KLHL40: variants seen among roughly 807,000 people sequenced by gnomAD.
The protein encoded by KLHL40 is kelch-like protein 40.
A neutral mutation model predicts 49.7 loss-of-function variants in KLHL40; 44 were observed. The ratio of observed to expected loss-of-function variants is 0.89; its 90% CI spans 0.70 to 1.14. The LOEUF (loss-of-function observed/expected upper bound fraction) is 1.14, where lower values mean the gene tolerates loss of function less well. Ranked by LOEUF, KLHL40 falls within the 50% of genes most tolerant of loss-of-function variation. KLHL40 has a pLI of 0.00. For synonymous variants in KLHL40, 409 were observed against 365.2 expected, an observed-to-expected ratio of 1.12 and a Z score of -1.37; for missense variants, 892 against 850.3, an observed-to-expected ratio of 1.05 and a Z score of -0.61.
At chr3:42,691,718 G>A (rs1002711823) in intron 5 of KLHL40, among the ~76,000 whole-genome samples, 164 bp from the exon 6 acceptor site, 1 of 151,908 alleles carries the variant, frequency 6.6e-6, no homozygotes, top group East Asian at 1.9e-4. Context: ...GTTCCTTGGG[G>A]TGGGTCTTGT....
intron 5 of KLHL40, among the ~76,000 whole-genome samples, chr3:42,691,232 A>T (rs1332512470): frequency 2.0e-5 from 3 of 152,146 alleles, no homozygotes; most frequent in Non-Finnish European, 4.4e-5. Context: ...CCCACTGTGG[A>T]GCAGCAACAG....
rs780835485 is a variant in KLHL40, at chr3:42,685,869, A to G, written c.251A>G (p.Gln84Arg). ...LEEVSPDVVA[Q>R]VLHYLYTSEI... The stretch of plus-strand genomic sequence containing the variant: ...GAGGTGTCCCCGGACGTGGTGGCCC[A>G]GGTGCTGCACTACCTGTACACATCA... Residue 84 changes from glutamine (Q) to arginine (R), a missense_variant, in exon 1 of 6, where the codon CAG (glutamine) becomes CGG (arginine). Transcript: ENST00000287777. The G allele has an allele frequency of 5.6e-6, 9 of 1,612,784 alleles. No homozygotes were observed. The highest frequency in any genetic ancestry group is 2.2e-5 in the East Asian group (1 of 44,880).
chr3:42,686,296 C>G lies in KLHL40; in HGVS notation c.678C>G (p.Cys226Trp), dbSNP rs1319914433. The change falls in exon 1 of 6, where the codon TGC becomes TGG. Residue 226 changes from cysteine (C) to tryptophan (W), a missense_variant. Physicochemically the swap from Cys to Trp is radical, Grantham distance 215. Coordinates refer to ENST00000287777, the MANE Select transcript of KLHL40 (RefSeq NM_152393.4). ...CCACCGTCTTCGAGAGCGTGCGCTG[C>G]CGCTTGCTGCCGCGCGCCTTTCTGG... is the stretch of plus-strand genomic sequence containing the variant. ...ALPTVFESVR[C>W]RLLPRAFLES... The G allele has an allele frequency of 6.3e-7, 1 of 1,587,568 alleles. No individual in the cohort carries two copies. The highest frequency in any genetic ancestry group is 1.3e-5 in the African/African-American group (1 of 74,242).
chr3:42,688,769 G>A lies in KLHL40; in HGVS notation c.1421+52G>A. ...TGGAGCAGAGGTAGAATCTCCCAGA[G>A]GCTGTCAGGGGTTTGTCCTGGCTGC... On this transcript the variant is annotated intron_variant, in intron 3 of 5. Coordinates refer to ENST00000287777, the MANE Select transcript of KLHL40 (RefSeq NM_152393.4). This position sits in a 1 kb window ranked among gnomAD's most constrained non-coding sequence, Gnocchi z 4.2. The A allele has an allele frequency of 6.3e-7, 1 of 1,584,618 alleles. No homozygotes were observed. The highest frequency in any genetic ancestry group is 8.7e-7 in the Non-Finnish European group (1 of 1,153,348).
At position 42,686,051 on chromosome 3, in the gene KLHL40, T is replaced by G. The variant is rs781200087; in HGVS notation, c.433T>G (p.Cys145Gly). ...AVFRLGLLLD[C>G]ARLAVAARDF... ...CTTCCGTCTCGGCCTCCTGCTCGAC[T>G]GCGCGCGTCTCGCCGTGGCTGCCCG... The change falls in exon 1 of 6, where the codon TGC becomes GGC. Residue 145 changes from cysteine to glycine, a missense_variant. By Grantham distance (159) the Cys-to-Gly change is radical. Coordinates refer to ENST00000287777, the MANE Select transcript of KLHL40 (RefSeq NM_152393.4). 2 of 1,606,778 alleles carry G rather than the reference T, an allele frequency of 1.2e-6. No homozygotes were observed. Among genetic ancestry groups the G allele is most frequent in the Non-Finnish European group, 1.7e-6 (2 of 1,179,920 alleles).
rs773720799 is a variant in KLHL40 at position 42,688,692 on chromosome 3, G to A, written c.1396G>A (p.Val466Ile). The A allele has an allele frequency of 5.0e-6, 8 of 1,613,840 alleles. No individual in the cohort carries two copies. Among genetic ancestry groups the A allele is most frequent in the South Asian group, 2.2e-5 (2 of 91,080 alleles). ...TVLSHMDLVY[V>I]IGGKGSDRKC... ...GCTCTCCCACATGGACCTTGTCTAC[G>A]TAATTGGCGGCAAAGGCAGTGACAG... The change falls in exon 3 of 6, where the codon GTA (valine) becomes ATA (isoleucine). Residue 466 changes from valine (V) to isoleucine (I), a missense_variant. Transcript: ENST00000287777. This position sits in a 1 kb window ranked among gnomAD's most constrained non-coding sequence, Gnocchi z 4.2.
In KLHL40 at chr3:42,688,534, C is replaced by A; in HGVS notation, c.1314-76C>A. On this transcript the variant is annotated intron_variant, in intron 2 of 5. Transcript: ENST00000287777. This position sits in a 1 kb window ranked among gnomAD's most constrained non-coding sequence, Gnocchi z 4.2. ...CTCGAATATGTGTTAGGTGGATGGG[C>A]GGATGGGTGCAGAGACAGGGACTGA... The A allele has an allele frequency of 1.8e-6, 2 of 1,135,828 alleles. No homozygotes were observed. Among genetic ancestry groups the A allele is most frequent in the Non-Finnish European group, 1.3e-6 (1 of 760,758 alleles). The allele number at this position is 1,135,828 out of a possible 1,614,324, so 70.4% of individuals were successfully genotyped here.
chr3:42,688,332 C>T lies in KLHL40; in HGVS notation c.1313+30C>T, dbSNP rs202104789. Reference sequence around the variant, plus strand: ...GCATGGCTGGGGTGGGGCTGAGCTCCGTGGGGGTGAGTGGGGCATGGAGGC... The same window carrying T: ...GCATGGCTGGGGTGGGGCTGAGCTCTGTGGGGGTGAGTGGGGCATGGAGGC... On this transcript the variant is annotated intron_variant, in intron 2 of 5. Coordinates refer to ENST00000287777, the MANE Select transcript of KLHL40 (RefSeq NM_152393.4). This position sits in a 1 kb window ranked among gnomAD's most constrained non-coding sequence, Gnocchi z 4.2. The T allele has an allele frequency of 3.1e-5, 48 of 1,540,602 alleles. No individual in the cohort carries two copies. In the Middle Eastern group the frequency reaches 5.3e-4, roughly 17 times the overall value.
In KLHL40 at chr3:42,688,196, T is replaced by C. The variant is rs1364807818; in HGVS notation, c.1207T>C (p.Cys403Arg). 2 of 1,613,816 alleles carry C rather than the reference T, an allele frequency of 1.2e-6. No homozygotes were observed. Among genetic ancestry groups the C allele is most frequent in the Non-Finnish European group, 1.7e-6 (2 of 1,180,022 alleles). The part of the protein sequence containing the change: ...LGMPPLPSPR[C>R]LFGLGEALNS... Reference sequence around the variant, plus strand: ...GATGCCACCGCTGCCCTCGCCCCGCTGCCTCTTTGGCCTGGGAGAAGCTCT... The same window carrying C: ...GATGCCACCGCTGCCCTCGCCCCGCCGCCTCTTTGGCCTGGGAGAAGCTCT... The change falls in exon 2 of 6, where the codon TGC (cysteine) becomes CGC (arginine). Residue 403 changes from cysteine (C) to arginine (R), a missense_variant. Physicochemically the swap from Cys to Arg is radical, Grantham distance 180. Coordinates refer to ENST00000287777, the MANE Select transcript of KLHL40 (RefSeq NM_152393.4). The surrounding 1 kb of genome is among the most constrained non-coding windows in gnomAD (Gnocchi z 4.2).
At chr3:42,687,543 T>C (rs1186449689) in intron 1 of KLHL40, among the ~76,000 whole-genome samples, 1 of 152,086 alleles carries the variant, frequency 6.6e-6, no homozygotes, top group Non-Finnish European at 1.5e-5. Context: ...GGGCACATTG[T>C]TTATTCTCTC....
rs185171192 is a variant in KLHL40 at position 42,688,309 on chromosome 3, A to G, written c.1313+7A>G. ...TCATGTGCTACGACAGGCTGTGAGC[A>G]TGGCTGGGGTGGGGCTGAGCTCCGT... On this transcript the variant is annotated splice_region_variant and intron_variant, in intron 2 of 5. Transcript: ENST00000287777. This position sits in a 1 kb window ranked among gnomAD's most constrained non-coding sequence, Gnocchi z 4.2. 4.5e-4 allele frequency: 727 copies of G among 1,610,830 alleles called. 2 individuals carry two copies. In the African/African-American group the frequency reaches 8.7e-3, roughly 19 times the overall value.
At position 42,686,192 on chromosome 3, in the gene KLHL40, G is replaced by A. The variant is rs1041220943; in HGVS notation, c.574G>A (p.Glu192Lys). The change falls in exon 1 of 6, where the codon GAG (glutamate) becomes AAG (lysine). Residue 192 changes from glutamate to lysine, a missense_variant. Glu to Lys is a moderately conservative substitution (Grantham distance 56). Transcript: ENST00000287777. ...CGACGGCCTTAACGTGGAGAAGGAG[G>A]AGGCAGTGTTCGAGGCGGTGATGCG... ...SSDGLNVEKE[E>K]AVFEAVMRWA... is the part of the protein sequence containing the mutation. The A allele has an allele frequency of 1.3e-6, 2 of 1,579,702 alleles. No homozygotes were observed. Among genetic ancestry groups the A allele is most frequent in the South Asian group, 1.1e-5 (1 of 88,812 alleles).
chr3:42,685,576 A>AGGAGCCCCCTT lies in KLHL40; in HGVS notation c.-40_-30dup. On this transcript the variant is annotated 5_prime_UTR_variant, in exon 1 of 6. Coordinates refer to ENST00000287777, the MANE Select transcript of KLHL40 (RefSeq NM_152393.4). Reference sequence around the variant, plus strand: ...CCAGCAGGAAAGCAGGGGTACAGAGAGGAGCCCCCTTGGCACCGCCACCGC... The same window carrying AGGAGCCCCCTT: ...CCAGCAGGAAAGCAGGGGTACAGAGAGGAGCCCCCTTGGAGCCCCCTTGGCACCGCCACCGC... 1 of 1,518,140 alleles carries AGGAGCCCCCTT rather than the reference A, an allele frequency of 6.6e-7. No individual in the cohort carries two copies. Among genetic ancestry groups the AGGAGCCCCCTT allele is most frequent in the Non-Finnish European group, 8.9e-7 (1 of 1,127,760 alleles). The allele number at this position is 1,518,140 out of a possible 1,614,324, so 94.0% of individuals were successfully genotyped here.
chr3:42,686,613 A>C lies in KLHL40; in HGVS notation c.995A>C (p.Asp332Ala). 1 of 1,614,036 alleles carries C rather than the reference A, an allele frequency of 6.2e-7. No homozygotes were observed. The highest frequency in any genetic ancestry group is 8.5e-7 in the Non-Finnish European group (1 of 1,180,036). The change falls in exon 1 of 6, where the codon GAT becomes GCT. Residue 332 changes from aspartate (D) to alanine (A), a missense_variant. Asp to Ala is a moderately radical substitution (Grantham distance 126). Coordinates refer to ENST00000287777, the MANE Select transcript of KLHL40 (RefSeq NM_152393.4). ...MISEEGAVAY[D>A]PAANECYCAS... Reference sequence around the variant, plus strand: ...AGTGAGGAGGGCGCTGTGGCCTACGATCCAGCAGCCAACGAGTGCTACTGT... The same window carrying C: ...AGTGAGGAGGGCGCTGTGGCCTACGCTCCAGCAGCCAACGAGTGCTACTGT...
intron 1 of KLHL40, among the ~76,000 whole-genome samples, chr3:42,687,153 C>A (rs1188914104): frequency 6.6e-6 from 1 of 152,176 alleles, no homozygotes; most frequent in East Asian, 1.9e-4. Context: ...GACAAAGGAA[C>A]AATCCTGTAT....
rs779705281 is a variant in KLHL40, at chr3:42,686,638, T to G, written c.1020T>G (p.Cys340Trp). 3 of 1,614,036 alleles carry G rather than the reference T, an allele frequency of 1.9e-6. No individual in the cohort carries two copies. ...AYDPAANECY[C>W]ASLSNQVPKN... ...ATCCAGCAGCCAACGAGTGCTACTG[T>G]GCTTCCCTCTCCAACCAGGTCCCCA... Residue 340 changes from cysteine to tryptophan, a missense_variant, in exon 1 of 6, where the codon TGT becomes TGG. Physicochemically the swap from Cys to Trp is radical, Grantham distance 215 (BLOSUM62 -2). Coordinates refer to ENST00000287777, the MANE Select transcript of KLHL40 (RefSeq NM_152393.4).
At position 42,692,005 on chromosome 3, in the gene KLHL40, A is replaced by C. The variant is rs200055551; in HGVS notation, c.*12A>C. 6.7e-7 allele frequency: 1 copy of C among 1,492,194 alleles called. No individual in the cohort carries two copies. The highest frequency in any genetic ancestry group is 1.7e-5 in the Admixed American group (1 of 59,824). 92.4% of individuals were successfully genotyped at this position (1,492,194 alleles called of 1,614,324 possible). ...TGACTAAGATGTGACCAGCTCAGGC[A>C]GACTGAACTAAGCACCCCTCCCATC... is the stretch of plus-strand genomic sequence containing the variant. On this transcript the variant is annotated 3_prime_UTR_variant, in exon 6 of 6. Coordinates refer to ENST00000287777, the MANE Select transcript of KLHL40 (RefSeq NM_152393.4).
At position 42,692,343 on chromosome 3, in the gene KLHL40, G is replaced by A. The variant is rs1278210786; in HGVS notation, c.*350G>A. On this transcript the variant is annotated 3_prime_UTR_variant, in exon 6 of 6. Coordinates refer to ENST00000287777, the MANE Select transcript of KLHL40 (RefSeq NM_152393.4). ...CAGGACTCAGCCTTCTCGTCTGTCC[G>A]ATGGGAGCATCCCCATCAAGTGCAG... is the stretch of plus-strand genomic sequence containing the variant. 1.9e-5 allele frequency: 8 copies of A among 414,732 alleles called. No individual in the cohort carries two copies. Among genetic ancestry groups the A allele is most frequent in the African/African-American group, 4.0e-5 (2 of 50,512 alleles). 25.7% of individuals were successfully genotyped at this position (414,732 alleles called of 1,614,324 possible).
chr3:42,688,712 T>C lies in KLHL40; in HGVS notation c.1416T>C (p.Ser472=). ...TCTACGTAATTGGCGGCAAAGGCAG[T>C]GACAGGTGAGGCTGGGCCTGGAGTG... is the stretch of plus-strand genomic sequence containing the variant. ...DLVYVIGGKG[S]DRKCLNKMCV... is the part of the protein sequence containing the mutation. The change falls in exon 3 of 6, where the codon AGT becomes AGC. Residue 472 remains serine (S), a synonymous_variant. Coordinates refer to ENST00000287777, the MANE Select transcript of KLHL40 (RefSeq NM_152393.4). This position sits in a 1 kb window ranked among gnomAD's most constrained non-coding sequence, Gnocchi z 4.2. 2 of 1,612,762 alleles carry C rather than the reference T, an allele frequency of 1.2e-6. No homozygotes were observed. Among genetic ancestry groups the C allele is most frequent in the Non-Finnish European group, 1.7e-6 (2 of 1,178,882 alleles).
Sources: allele counts gnomAD v4.1 joint callset (sites outside exome capture counted in the v4.1 genomes callset), GRCh38; gene constraint gnomAD v4.1.1; non-coding constraint Gnocchi (gnomAD v3.1); transcripts MANE v1.5; gene names NCBI Gene and HGNC (gene_info 2026-07-23, HGNC 2026-07-21).